ACTL8: variants seen among roughly 807,000 people sequenced by gnomAD.
ACTL8 encodes the protein actin-like protein 8.
ACTL8 carries 3 observed loss-of-function variants against 9.3 expected under a neutral mutation model. That is an observed-to-expected ratio of 0.32 (90% confidence interval 0.15 to 0.83). The LOEUF is 0.83. Ranked by LOEUF, ACTL8 falls within the 40% of genes least tolerant of loss-of-function variation. The pLI, the probability that ACTL8 is intolerant of heterozygous loss-of-function variation, is 0.57. For missense variants in ACTL8, 381 were observed against 492.2 expected (o/e 0.77, Z 2.14); for synonymous variants, 224 against 205.9 (o/e 1.09, Z -0.75).
chr1:17,801,019 A>G (rs1251611031), intron 1 of ACTL8, among the ~76,000 whole-genome samples: 1 of 152,234 alleles, frequency 6.6e-6, no homozygotes, highest in Non-Finnish European at 1.5e-5. Flanking sequence ...AGTTTTTAAA[A>G]GTAAATACAT....
At chr1:17,817,791 C>T (rs533326644) in intron 1 of ACTL8, among the ~76,000 whole-genome samples, 1 of 152,064 alleles carries the variant, frequency 6.6e-6, no homozygotes, top group African/African-American at 2.4e-5. Context: ...CCCTCCATCT[C>T]CTGGGTTCAA....
intron 1 of ACTL8, among the ~76,000 whole-genome samples, chr1:17,807,930 C>T (rs758970081): frequency 1.4e-4 from 21 of 152,010 alleles, no homozygotes; most frequent in Non-Finnish European, 2.5e-4. Flanking sequence ...TACCATGGCA[C>T]GTGTATACCT....
rs1167679110 is a variant in ACTL8, at chr1:17,825,778, G to C, written c.360G>C (p.Glu120Asp). Residue 120 changes from glutamate (E) to aspartate (D), a missense_variant, in exon 3 of 3, where the codon GAG becomes GAC. Transcript: ENST00000375406. ...CTCCCTCGTTGCAGATCCTGTTTGA[G>C]TTGCTGCATGTCCCATCGGTCCTCC... Reference protein sequence around the residue: ...DRKKMLEILFELLHVPSVLLA... With the variant: ...DRKKMLEILFDLLHVPSVLLA... The C allele has an allele frequency of 1.2e-6, 2 of 1,612,418 alleles. No homozygotes were observed. Among genetic ancestry groups the C allele is most frequent in the Admixed American group, 3.3e-5 (2 of 60,010 alleles).
At chr1:17,814,429 T>A (rs2066411745) in intron 1 of ACTL8, among the ~76,000 whole-genome samples, 1 of 152,200 alleles carries the variant, frequency 6.6e-6, no homozygotes, top group African/African-American at 2.4e-5. Flanking sequence ...CAAGACTCTA[T>A]ATCTACCAAC....
intron 1 of ACTL8, among the ~76,000 whole-genome samples, chr1:17,759,214 G>C (rs2065986525): frequency 6.6e-6 from 1 of 152,250 alleles, no homozygotes; most frequent in Non-Finnish European, 1.5e-5. Context: ...GGTGAAAATG[G>C]ATCTGGGCCC....
intron 1 of ACTL8, among the ~76,000 whole-genome samples, chr1:17,798,007 C>CT (rs1247053557): frequency 2.0e-5 from 3 of 152,122 alleles, no homozygotes; most frequent in Non-Finnish European, 2.9e-5. Flanking sequence ...GGAACTGAGT[C>CT]TCCCTCCATA....
At chr1:17,799,647 T>TG (rs1321126467) in intron 1 of ACTL8, among the ~76,000 whole-genome samples, 18 of 152,186 alleles carry the variant, frequency 1.2e-4, no homozygotes, top group Non-Finnish European at 5.9e-5. Context: ...CCTTCTGTCT[T>TG]GTTTTTAGAA....
intron 1 of ACTL8, among the ~76,000 whole-genome samples, chr1:17,783,357 TTTTTTTTA>T (rs2066170708): frequency 1.5e-5 from 2 of 131,842 alleles, no homozygotes; most frequent in Admixed American, 1.6e-4. Context: ...GTTTTGTTTT[TTTTTTTTA>T]AAAAAACTCC....
chr1:17,818,300 TC>T (rs2066441056), intron 1 of ACTL8, among the ~76,000 whole-genome samples: 1 of 152,232 alleles, frequency 6.6e-6, no homozygotes, highest in Non-Finnish European at 1.5e-5. Flanking sequence ...TGCACCCTCT[TC>T]CTGGCCACCA....
At chr1:17,771,996 G>C (rs2066086011) in intron 1 of ACTL8, among the ~76,000 whole-genome samples, 1 of 152,196 alleles carries the variant, frequency 6.6e-6, no homozygotes, top group African/African-American at 2.4e-5. Context: ...GAACAGGAGA[G>C]ACAGAGACAG....
chr1:17,764,783 C>T (rs1210484090), intron 1 of ACTL8, among the ~76,000 whole-genome samples: 1 of 152,232 alleles, frequency 6.6e-6, no homozygotes. Context: ...GCCTGGCTCC[C>T]CGGGGGAGTT....
intron 2 of ACTL8, among the ~76,000 whole-genome samples, chr1:17,824,838 T>C (rs1017854334): frequency 3.3e-5 from 5 of 152,160 alleles, no homozygotes; most frequent in Admixed American, 2.6e-4. Flanking sequence ...GGGAGTTGTA[T>C]CTGATTTTCT....
chr1:17,808,611 A>G (rs1178393199), intron 1 of ACTL8, among the ~76,000 whole-genome samples: 1 of 152,214 alleles, frequency 6.6e-6, no homozygotes, highest in Non-Finnish European at 1.5e-5. Flanking sequence ...TGCGGAGCAA[A>G]TAAGAGAGAT....
intron 1 of ACTL8, among the ~76,000 whole-genome samples, chr1:17,781,575 C>T (rs980512048): frequency 6.6e-6 from 1 of 152,170 alleles, no homozygotes; most frequent in African/African-American, 2.4e-5. Flanking sequence ...GGGCTTAGGG[C>T]CCAGCCTAAA....
chr1:17,766,806 T>G (rs2066047676), intron 1 of ACTL8, among the ~76,000 whole-genome samples: 1 of 149,606 alleles, frequency 6.7e-6, no homozygotes, highest in Non-Finnish European at 1.5e-5. Context: ...CCATAATTCC[T>G]GGAACTTACT....
chr1:17,804,648 C>T (rs1270302614), intron 1 of ACTL8, among the ~76,000 whole-genome samples: 1 of 151,336 alleles, frequency 6.6e-6, no homozygotes, highest in African/African-American at 2.4e-5. Flanking sequence ...GCTTTTGTTG[C>T]CCAGGCTGGA....
In ACTL8 at chr1:17,769,529, C is replaced by T. The variant is rs541840588; in HGVS notation, c.-25+14025C>T. Among the ~76,000 whole-genome samples, 5 of 152,346 alleles carry T rather than the reference C, an allele frequency of 3.3e-5. No homozygotes were observed. In the South Asian group the frequency reaches 6.2e-4, roughly 19 times the overall value. Reference sequence around the variant, plus strand: ...ACCTGCTCTGTCACGAATTCCCTGCCTCTTGTTAGGCAAGACAGTTCTTCT... The same window carrying T: ...ACCTGCTCTGTCACGAATTCCCTGCTTCTTGTTAGGCAAGACAGTTCTTCT... On this transcript the variant is annotated intron_variant, in intron 1 of 2. Coordinates refer to ENST00000375406, the MANE Select transcript of ACTL8 (RefSeq NM_030812.3).
intron 1 of ACTL8, among the ~76,000 whole-genome samples, chr1:17,756,134 T>C (rs2065967994): frequency 6.6e-6 from 1 of 152,066 alleles, no homozygotes; most frequent in Non-Finnish European, 1.5e-5. Flanking sequence ...ATCACAGCCC[T>C]GGGTAGGGGG....
chr1:17,788,551 T>C (rs919694970), intron 1 of ACTL8, among the ~76,000 whole-genome samples: 30 of 152,244 alleles, frequency 2.0e-4, no homozygotes, highest in African/African-American at 6.8e-4. Context: ...AAATATTTTC[T>C]GTTTTCCAAG....
Sources: allele counts gnomAD v4.1 joint callset (sites outside exome capture counted in the v4.1 genomes callset), GRCh38; gene constraint gnomAD v4.1.1; transcripts MANE v1.5; gene names NCBI Gene and HGNC (gene_info 2026-07-23, HGNC 2026-07-21).